Variants in XAB2 observed in about 807,000 individuals in gnomAD.
XAB2 encodes the protein XPA binding protein 2, also known as pre-mRNA-splicing factor SYF1.
XAB2 carries 57 observed loss-of-function variants against 113.4 expected under a neutral mutation model. That is an observed-to-expected ratio of 0.50 (90% CI 0.41 to 0.63). The LOEUF is 0.63. Ranked by LOEUF, XAB2 falls within the 20% of genes least tolerant of loss-of-function variation. The pLI, the probability that XAB2 is intolerant of heterozygous loss-of-function variation, is 0.00. For missense variants in XAB2, 1,037 were observed against 1,233.3 expected, an observed-to-expected ratio of 0.84 and a Z score of 2.38; for synonymous variants, 497 against 498.8, an observed-to-expected ratio of 1.00 and a Z score of 0.05.
At position 7,623,039 on chromosome 19, in the gene XAB2, C is replaced by T. The variant is rs2031068445; in HGVS notation, c.1239+131G>A. ...AGGCACACACATGCGTGCACATATG[C>T]ATGCACCCAAATGCACATGCACACA... On this transcript the variant is annotated intron_variant, in intron 9 of 18. Coordinates refer to ENST00000358368, the MANE Select transcript of XAB2 (RefSeq NM_020196.3). This position sits in a 1 kb window ranked among gnomAD's most constrained non-coding sequence, Gnocchi z 4.6. 17 of 1,542,370 alleles carry T rather than the reference C, an allele frequency of 1.1e-5. No homozygotes were observed. In the South Asian group the frequency reaches 1.7e-4, roughly 15 times the overall value.
At chr19:7,622,190 G>A in intron 12 of XAB2, 141 bp downstream of exon 12, 1 of 807,906 alleles carries the variant, frequency 1.2e-6, no homozygotes, top group Non-Finnish European at 2.0e-6. Flanking sequence ...TCCAGGACGG[G>A]GAGAAGCTAA....
At position 7,625,701 on chromosome 19, in the gene XAB2, A is replaced by C. The variant is rs1428992391; in HGVS notation, c.822+179T>G. On this transcript the variant is annotated intron_variant, in intron 6 of 18. Transcript: ENST00000358368. This position sits in a 1 kb window ranked among gnomAD's most constrained non-coding sequence, Gnocchi z 5.2. ...ACCATGTTGGCCAGGCTGGTCTTGA[A>C]CTGCTGACCTCAAGTGATCCTACCG... 2.0e-5 allele frequency among the ~76,000 whole-genome samples: 3 copies of C among 151,794 alleles called. No individual in the cohort carries two copies. The highest frequency in any genetic ancestry group is 4.4e-5 in the Non-Finnish European group (3 of 67,938).
chr19:7,624,558 G>T lies in XAB2; in HGVS notation c.823-113C>A. 11 of 1,483,588 alleles carry T rather than the reference G, an allele frequency of 7.4e-6. No individual in the cohort carries two copies. Among genetic ancestry groups the T allele is most frequent in the Non-Finnish European group, 1.0e-5 (11 of 1,092,596 alleles). The allele number at this position is 1,483,588 out of a possible 1,614,324, so 91.9% of individuals were successfully genotyped here. ...CCCTGGGGGCCTTCTGGGTAGTGAC[G>T]CATCCAGCACCTCTGGGTAGTGACC... On this transcript the variant is annotated intron_variant, in intron 6 of 18. Transcript: ENST00000358368. This position sits in a 1 kb window ranked among gnomAD's most constrained non-coding sequence, Gnocchi z 4.2.
rs1487207286 is a variant in XAB2 at position 7,623,025 on chromosome 19, T to C, written c.1240-132A>G. ...ACAGGCACACACACAGGCACACACATGCGTGCACATATGCATGCACCCAAA... is the reference window on the plus strand; with the variant it reads ...ACAGGCACACACACAGGCACACACACGCGTGCACATATGCATGCACCCAAA... On this transcript the variant is annotated intron_variant, in intron 9 of 18. Transcript: ENST00000358368. The surrounding 1 kb of genome is among the most constrained non-coding windows in gnomAD (Gnocchi z 4.6). The C allele has an allele frequency of 2.6e-6, 4 of 1,538,088 alleles. No individual in the cohort carries two copies. Among genetic ancestry groups the C allele is most frequent in the Non-Finnish European group, 2.6e-6 (3 of 1,142,708 alleles).
At position 7,620,527 on chromosome 19, in the gene XAB2, G is replaced by C; in HGVS notation, c.2094+20C>G. The C allele has an allele frequency of 1.2e-6, 2 of 1,612,974 alleles. No homozygotes were observed. The highest frequency in any genetic ancestry group is 1.7e-6 in the Non-Finnish European group (2 of 1,179,826). On this transcript the variant is annotated intron_variant, in intron 15 of 18. Transcript: ENST00000358368. ...GCCGCAGCCCCCAACCCTGATACCCGTCCCTCCCCACAGCCCTACCCGGGG... is the reference window on the plus strand; with the variant it reads ...GCCGCAGCCCCCAACCCTGATACCCCTCCCTCCCCACAGCCCTACCCGGGG...
intron 15 of XAB2, 33 bp downstream of exon 15, chr19:7,620,514 A>G (rs750266829): frequency 1.2e-6 from 2 of 1,612,608 alleles, no homozygotes; most frequent in South Asian, 2.2e-5. Flanking sequence ...CGCAGCCCCC[A>G]ACCCTGATAC....
chr19:7,625,390 C>T lies in XAB2; in HGVS notation c.822+490G>A, dbSNP rs906689389. ...CAAATGTGGCTGACTCCAAGGCTGA[C>T]GTGCCTGCGGGCAGGAGTGCTCCCC... On this transcript the variant is annotated intron_variant, in intron 6 of 18. Coordinates refer to ENST00000358368, the MANE Select transcript of XAB2 (RefSeq NM_020196.3). This position sits in a 1 kb window ranked among gnomAD's most constrained non-coding sequence, Gnocchi z 5.2. Among the ~76,000 whole-genome samples, 2 of 151,854 alleles carry T rather than the reference C, an allele frequency of 1.3e-5. No homozygotes were observed. The highest frequency in any genetic ancestry group is 6.6e-5 in the Admixed American group (1 of 15,266).
In XAB2 at chr19:7,628,858, C is replaced by T. The variant is rs574401641; in HGVS notation, c.52-560G>A. 6.6e-6 allele frequency among the ~76,000 whole-genome samples: 1 copy of T among 152,316 alleles called. No individual in the cohort carries two copies. The highest frequency in any genetic ancestry group is 2.4e-5 in the African/African-American group (1 of 41,556). On this transcript the variant is annotated intron_variant, in intron 1 of 18. Transcript: ENST00000358368. The surrounding 1 kb of genome is among the most constrained non-coding windows in gnomAD (Gnocchi z 4.6). ...TAGCCAGCGTCTAGCTCAACTCTGC[C>T]CCAGAAATTAAAAGCTAGGCCTTTA...
Position 7,623,933 on chromosome 19 carries a change from C to A in XAB2, c.968-51G>T. On this transcript the variant is annotated intron_variant, in intron 7 of 18. Coordinates refer to ENST00000358368, the MANE Select transcript of XAB2 (RefSeq NM_020196.3). The surrounding 1 kb of genome is among the most constrained non-coding windows in gnomAD (Gnocchi z 4.6). The stretch of plus-strand genomic sequence containing the variant: ...GGGGCGGAGACCCAGGATGCAGGTC[C>A]CCGGATGCCACCGCCTCCACTCCCC... 1 of 1,490,964 alleles carries A rather than the reference C, an allele frequency of 6.7e-7. No individual in the cohort carries two copies. Among genetic ancestry groups the A allele is most frequent in the Non-Finnish European group, 8.9e-7 (1 of 1,121,634 alleles). 92.4% of individuals were successfully genotyped at this position (1,490,964 alleles called of 1,614,324 possible).
Position 7,627,590 on chromosome 19 carries a change from C to A in XAB2, c.324+138G>T. The stretch of plus-strand genomic sequence containing the variant: ...CCCCCAGCTCCAGGACTGAGTCCAG[C>A]CCAACTTCCCATGCAAAGAAGCAAC... On this transcript the variant is annotated intron_variant, in intron 3 of 18. Coordinates refer to ENST00000358368, the MANE Select transcript of XAB2 (RefSeq NM_020196.3). This position sits in a 1 kb window ranked among gnomAD's most constrained non-coding sequence, Gnocchi z 4.5. 6.6e-7 allele frequency: 1 copy of A among 1,522,900 alleles called. No homozygotes were observed. Among genetic ancestry groups the A allele is most frequent in the Non-Finnish European group, 8.9e-7 (1 of 1,124,116 alleles). The allele number at this position is 1,522,900 out of a possible 1,614,324, so 94.3% of individuals were successfully genotyped here.
chr19:7,628,206 G>A lies in XAB2; in HGVS notation c.144C>T (p.Ala48=). The change falls in exon 2 of 19, where the codon GCC becomes GCT. Residue 48 remains alanine (A), a synonymous_variant. Transcript: ENST00000358368. This position sits in a 1 kb window ranked among gnomAD's most constrained non-coding sequence, Gnocchi z 4.6. ...ATAGCTGATTGAGCCTGGGCTTCGGGGCGCCCTGTTTGAACTCGATGTAGC... is the reference window on the plus strand; with the variant it reads ...ATAGCTGATTGAGCCTGGGCTTCGGAGCGCCCTGTTTGAACTCGATGTAGC... ...WLRYIEFKQG[A]PKPRLNQLYE... is the part of the protein sequence containing the mutation. The A allele has an allele frequency of 1.9e-6, 3 of 1,614,068 alleles. No individual in the cohort carries two copies. Among genetic ancestry groups the A allele is most frequent in the South Asian group, 1.1e-5 (1 of 91,080 alleles).
chr19:7,619,528 T>A lies in XAB2; in HGVS notation c.*58A>T. 2 of 1,326,730 alleles carry A rather than the reference T, an allele frequency of 1.5e-6. No individual in the cohort carries two copies. Among genetic ancestry groups the A allele is most frequent in the Non-Finnish European group, 1.0e-6 (1 of 987,730 alleles). The allele number at this position is 1,326,730 out of a possible 1,614,324, so 82.2% of individuals were successfully genotyped here. ...AGCAGGAAGGAGGCTCAGACCATGATGTACAAACGTAGCTGTATTGGGGAG... is the reference window on the plus strand; with the variant it reads ...AGCAGGAAGGAGGCTCAGACCATGAAGTACAAACGTAGCTGTATTGGGGAG... On this transcript the variant is annotated 3_prime_UTR_variant, in exon 19 of 19. Transcript: ENST00000358368.
rs758893217 is a variant in XAB2, at chr19:7,620,354, G to A, written c.2187C>T (p.Ser729=). Residue 729 remains serine, a synonymous_variant, in exon 16 of 19, where the codon AGC becomes AGT. Transcript: ENST00000358368. ...CCTGCGTGTTGTACGTGGCCTGCAC[G>A]CTGCGCCGGATACGCAGCATTTCCT... ...TIKEMLRIRR[S]VQATYNTQVN... 12 of 1,613,358 alleles carry A rather than the reference G, an allele frequency of 7.4e-6. No individual in the cohort carries two copies. Among genetic ancestry groups the A allele is most frequent in the South Asian group, 5.5e-5 (5 of 91,092 alleles).
chr19:7,627,125 T>C lies in XAB2; in HGVS notation c.522+118A>G, dbSNP rs189031647. The stretch of plus-strand genomic sequence containing the variant: ...CACGGACAACAACAAAACACATGCA[T>C]CTCCAGGAGCCTCTTCCCACATCCC... On this transcript the variant is annotated intron_variant, in intron 4 of 18. Coordinates refer to ENST00000358368, the MANE Select transcript of XAB2 (RefSeq NM_020196.3). The surrounding 1 kb of genome is among the most constrained non-coding windows in gnomAD (Gnocchi z 4.5). 3,694 of 1,167,722 alleles carry C rather than the reference T, an allele frequency of 3.2e-3. 11 individuals are homozygous for C. Among genetic ancestry groups the C allele is most frequent in the Middle Eastern group, 8.2e-3 (33 of 4,044 alleles). 72.3% of individuals were successfully genotyped at this position (1,167,722 alleles called of 1,614,324 possible). A position where few individuals can be genotyped will look rare whatever the true frequency, so the allele number is the denominator to read the frequency against.
chr19:7,622,529 C>T lies in XAB2; in HGVS notation c.1503+1G>A. On this transcript the variant is annotated splice_donor_variant, in intron 11 of 18. Coordinates refer to ENST00000358368, the MANE Select transcript of XAB2 (RefSeq NM_020196.3). LOFTEE classifies it high-confidence loss of function. ...TCCCTCCCCAGCCACAGGCAGCTCA[C>T]CTGGAAGGTGCCGAGGCTCTCCTCC... 6.2e-7 allele frequency: 1 copy of T among 1,613,874 alleles called. No homozygotes were observed. Among genetic ancestry groups the T allele is most frequent in the Non-Finnish European group, 8.5e-7 (1 of 1,180,032 alleles).
chr19:7,623,747 TG>T lies in XAB2; in HGVS notation c.1102del (p.Gln368ArgfsTer57). 1 of 1,606,552 alleles carries T rather than the reference TG, an allele frequency of 6.2e-7. No homozygotes were observed. Among genetic ancestry groups the T allele is most frequent in the East Asian group, 2.2e-5 (1 of 44,808 alleles). On this transcript the variant is annotated frameshift_variant, in exon 8 of 19. Transcript: ENST00000358368. LOFTEE classifies it high-confidence loss of function. This position sits in a 1 kb window ranked among gnomAD's most constrained non-coding sequence, Gnocchi z 4.6. Reference protein sequence around the residue: ...HEWHKRVALHQGRPREIINTY... With the variant: ...HEWHKRVALHXGRPREIINTY... ...TTCATGTACCTCCCGGGGGCGGCCCTGGTGCAGGGCGACACGCTTGTGCCAC... is the reference window on the plus strand; with the variant it reads ...TTCATGTACCTCCCGGGGGCGGCCCTGTGCAGGGCGACACGCTTGTGCCAC...
rs397724907 is a variant in XAB2 at position 7,625,473 on chromosome 19, C to CTTTTT, written c.822+402_822+406dup. On this transcript the variant is annotated intron_variant, in intron 6 of 18. Transcript: ENST00000358368. The surrounding 1 kb of genome is among the most constrained non-coding windows in gnomAD (Gnocchi z 5.2). ...ATATGCATGTCTGTCAAAAATGGCA[C>CTTTTT]TTTTTTTTTTTTTTTTTTTTTTTGA... Among the ~76,000 whole-genome samples, 2 of 105,312 alleles carry CTTTTT rather than the reference C, an allele frequency of 1.9e-5. No homozygotes were observed. Among genetic ancestry groups the CTTTTT allele is most frequent in the Non-Finnish European group, 3.8e-5 (2 of 52,416 alleles). 69.1% of individuals were successfully genotyped at this position (105,312 alleles called of 152,430 possible).
rs530933238 is a variant in XAB2, at chr19:7,624,230, G to C, written c.967+71C>G. On this transcript the variant is annotated intron_variant, in intron 7 of 18. Transcript: ENST00000358368. This position sits in a 1 kb window ranked among gnomAD's most constrained non-coding sequence, Gnocchi z 4.2. ...AGCCTCCCAGGGCTGCCTCACCTGA[G>C]ATGTGTCCCGCCCCTACCGCTAATG... 1.9e-6 allele frequency: 3 copies of C among 1,597,462 alleles called. No homozygotes were observed. The highest frequency in any genetic ancestry group is 2.2e-5 in the East Asian group (1 of 44,800).
In XAB2 at chr19:7,623,093, TACAC is replaced by T. The variant is rs1230147411; in HGVS notation, c.1239+73_1239+76del. 1.2e-5 allele frequency: 19 copies of T among 1,588,240 alleles called. No individual in the cohort carries two copies. In the South Asian group the frequency reaches 1.9e-4, roughly 16 times the overall value. On this transcript the variant is annotated intron_variant, in intron 9 of 18. Coordinates refer to ENST00000358368, the MANE Select transcript of XAB2 (RefSeq NM_020196.3). This position sits in a 1 kb window ranked among gnomAD's most constrained non-coding sequence, Gnocchi z 4.6. ...GTGCACACATCCATGCACAAATATGTACACACACATACATGCACACATATACAAG... is the reference window on the plus strand; with the variant it reads ...GTGCACACATCCATGCACAAATATGTACACATACATGCACACATATACAAG...
Sources: gnomAD v4.1 joint callset for allele counts (sites outside exome capture counted in the v4.1 genomes callset) on GRCh38, gnomAD v4.1.1 for gene constraint, Gnocchi (gnomAD v3.1) non-coding constraint, MANE v1.5 for transcripts, NCBI Gene and HGNC (gene_info 2026-07-23, HGNC 2026-07-21) for gene names.